Variants in NAV2 observed in about 807,000 individuals in gnomAD.
NAV2 encodes the protein neuron navigator 2, also known as helicase, APC down-regulated 1.
In NAV2, 54 loss-of-function variants were observed where a neutral mutation model predicts 223.2. That is an observed-to-expected ratio of 0.24 (90% CI 0.19 to 0.30). The LOEUF (loss-of-function observed/expected upper bound fraction) is 0.30. Among genes scored for constraint, NAV2 ranks in the 10% least tolerant of loss-of-function variants. The pLI is 1.00. For synonymous variants in NAV2, 1,279 were observed against 1,239.3 expected (o/e 1.03, Z -0.67); for missense variants, 2,806 against 3,147.5 (o/e 0.89, Z 2.60).
Position 19,680,088 on chromosome 11 carries a change from G to C in NAV2, c.76-152396G>C, listed in dbSNP as rs2048841103. On this transcript the variant is annotated intron_variant, in intron 1 of 37. Coordinates refer to the NAV2 transcript ENST00000360655. ...AATGAGAATAGAGAGAAATCAGATTGGAAAAGAGGAGGGCTCCAGAAAGGG... is the reference window on the plus strand; with the variant it reads ...AATGAGAATAGAGAGAAATCAGATTCGAAAAGAGGAGGGCTCCAGAAAGGG... Among the ~76,000 whole-genome samples, 5 of 152,168 alleles carry C rather than the reference G, an allele frequency of 3.3e-5. No individual in the cohort carries two copies. In the South Asian group the frequency reaches 1.0e-3, roughly 32 times the overall value.
chr11:19,471,098 T>C (rs1292855942), intron 1 of NAV2, among the ~76,000 whole-genome samples: 7 of 152,204 alleles, frequency 4.6e-5, no homozygotes, highest in Non-Finnish European at 8.8e-5. Context: ...AGCACTTTCA[T>C]TGAAGTCTGC....
intron 10 of NAV2, among the ~76,000 whole-genome samples, chr11:19,973,324 CT>C (rs1335320321): frequency 1.3e-5 from 2 of 152,164 alleles, no homozygotes. Flanking sequence ...AACAAAAATT[CT>C]GCTGACTTAA....
chr11:19,837,485 A>G (rs969959251), intron 2 of NAV2, among the ~76,000 whole-genome samples: 1 of 152,228 alleles, frequency 6.6e-6, no homozygotes, highest in African/African-American at 2.4e-5. Flanking sequence ...TAATTGGAGT[A>G]TCCAGATCAC....
chr11:19,406,768 G>A (rs540555791), intron 1 of NAV2, among the ~76,000 whole-genome samples: 6 of 152,072 alleles, frequency 3.9e-5, no homozygotes, highest in Non-Finnish European at 5.9e-5. Flanking sequence ...CTTAGTTCCC[G>A]GCCCTTGAAA....
Position 19,948,673 on chromosome 11 carries a change from G to T in NAV2, c.2256-18G>T. 2 of 1,550,384 alleles carry T rather than the reference G, an allele frequency of 1.3e-6. No homozygotes were observed. Among genetic ancestry groups the T allele is most frequent in the Non-Finnish European group, 1.7e-6 (2 of 1,145,310 alleles). On this transcript the variant is annotated intron_variant, in intron 9 of 37. Transcript: ENST00000349880. ...TACTAGGTACCTTTGAGTCTAATCA[G>T]GTTGGTTTTGTTTCTAGCACATTGG... is the stretch of plus-strand genomic sequence containing the variant.
chr11:19,564,785 C>T (rs188013796), intron 1 of NAV2, among the ~76,000 whole-genome samples: 3 of 152,204 alleles, frequency 2.0e-5, no homozygotes, highest in Non-Finnish European at 4.4e-5. Context: ...AAGGCTGAGG[C>T]CCAAAGAGGT....
At chr11:19,873,852 C>T (rs2062685684) in intron 4 of NAV2, among the ~76,000 whole-genome samples, 1 of 152,170 alleles carries the variant, frequency 6.6e-6, no homozygotes, top group South Asian at 2.1e-4. Flanking sequence ...AGCAAGAACA[C>T]AGAGGGCTGT....
intron 1 of NAV2, among the ~76,000 whole-genome samples, chr11:19,663,605 A>G (rs528182494): frequency 1.3e-5 from 2 of 152,212 alleles, no homozygotes; most frequent in East Asian, 3.9e-4. Context: ...ACACCATCCT[A>G]GTGGCATATT....
intron 1 of NAV2, among the ~76,000 whole-genome samples, chr11:19,825,065 G>A (rs780163834): frequency 6.6e-6 from 1 of 151,966 alleles, no homozygotes; most frequent in Non-Finnish European, 1.5e-5. Context: ...GGCTGAGGAG[G>A]GCGATCACTT....
chr11:19,500,632 C>T (rs1380087047), intron 1 of NAV2, among the ~76,000 whole-genome samples: 1 of 152,050 alleles, frequency 6.6e-6, no homozygotes, highest in Non-Finnish European at 1.5e-5. Context: ...TCCAGCCATC[C>T]CTCGTGGGCT....
intron 1 of NAV2, among the ~76,000 whole-genome samples, chr11:19,566,433 G>A (rs2045272245): frequency 6.6e-6 from 1 of 152,166 alleles, no homozygotes; most frequent in Non-Finnish European, 1.5e-5. Context: ...TCTCCAGTTT[G>A]TAAAGATCTC....
At chr11:19,859,622 C>T (rs1265905780) in intron 3 of NAV2, among the ~76,000 whole-genome samples, 15 of 152,110 alleles carry the variant, frequency 9.9e-5, no homozygotes, top group Middle Eastern at 6.8e-3. Flanking sequence ...AAACCGCCAT[C>T]GTCATCATGG....
Position 19,999,402 on chromosome 11 carries a change from CTT to C in NAV2, c.2768+15156_2768+15157del, listed in dbSNP as rs1466603824. On this transcript the variant is annotated intron_variant, in intron 11 of 37. Coordinates refer to ENST00000349880, the MANE Select transcript of NAV2 (RefSeq NM_145117.5). ...GGGTTTTTTTGGATGGAGTTTTGCT[CTT>C]GTCACCCAGGCTGGAGCACAATGGC... Among the ~76,000 whole-genome samples the C allele has an allele frequency of 3.9e-5, 6 of 152,314 alleles. No homozygotes were observed. In the East Asian group the frequency reaches 9.6e-4, roughly 24 times the overall value.
chr11:19,987,470 C>T (rs1295570016), intron 11 of NAV2, among the ~76,000 whole-genome samples: 1 of 152,184 alleles, frequency 6.6e-6, no homozygotes, highest in African/African-American at 2.4e-5. Context: ...GAAAGAAAGG[C>T]AGATCACTGT....
intron 1 of NAV2, among the ~76,000 whole-genome samples, chr11:19,608,820 G>C (rs554832259): frequency 2.0e-5 from 3 of 152,322 alleles, no homozygotes; most frequent in African/African-American, 7.2e-5. Flanking sequence ...TGAAAATCTA[G>C]GTGTCAGCAG....
chr11:19,627,695 C>T (rs75782924), intron 1 of NAV2, among the ~76,000 whole-genome samples: 1,763 of 152,046 alleles, frequency 0.012, 38 homozygotes, highest in East Asian at 0.063. Flanking sequence ...ATCTCAGAGC[C>T]GAAGGAAGCC....
intron 1 of NAV2, among the ~76,000 whole-genome samples, chr11:19,424,713 AT>A (rs146739678): frequency 6.7e-6 from 1 of 150,324 alleles, no homozygotes; most frequent in African/African-American, 2.4e-5. Flanking sequence ...ACGTCTGGCT[AT>A]TTTTTTTTGT....
chr11:19,861,030 CAGAGGG>C (rs1313530152), intron 3 of NAV2, among the ~76,000 whole-genome samples: 3 of 117,298 alleles, frequency 2.6e-5, no homozygotes, highest in Admixed American at 1.0e-4. Context: ...GGAAAGAGGG[CAGAGGG>C]AGAGGGAGGG....
intron 1 of NAV2, among the ~76,000 whole-genome samples, chr11:19,625,150 C>T (rs1457795154): frequency 6.6e-6 from 1 of 152,126 alleles, no homozygotes; most frequent in Non-Finnish European, 1.5e-5. Context: ...TGGTATAGAA[C>T]ACTAGACTTT....
Sources: gnomAD v4.1 joint callset for allele counts (sites outside exome capture counted in the v4.1 genomes callset) on GRCh38, gnomAD v4.1.1 for gene constraint, MANE v1.5 for transcripts, NCBI Gene and HGNC (gene_info 2026-07-23, HGNC 2026-07-21) for gene names.